Variants in CCSER1 observed in about 807,000 individuals in gnomAD.
CCSER1 encodes the protein coiled-coil serine rich protein 1, also known as serine-rich coiled-coil domain-containing protein 1.
Under a neutral mutation model 82.0 loss-of-function variants are expected in CCSER1, and 41 were observed. The observed-to-expected ratio is 0.50, with a 90% CI of 0.39 to 0.65. The LOEUF (loss-of-function observed/expected upper bound fraction) is 0.65. Among genes scored for constraint, CCSER1 ranks in the 30% least tolerant of loss-of-function variants. The pLI, the probability that CCSER1 is intolerant of heterozygous loss-of-function variation, is 0.00. For synonymous variants in CCSER1, 414 were observed against 383.9 expected (o/e 1.08, Z -0.92); for missense variants, 1,119 against 1,064.2 (o/e 1.05, Z -0.72).
chr4:90,158,821 TG>T, intron 1 of CCSER1, among the ~76,000 whole-genome samples: 1 of 152,240 alleles, frequency 6.6e-6, no homozygotes, highest in East Asian at 1.9e-4. Flanking sequence ...CCTGACCCCT[TG>T]TGCTTCCTGA....
intron 1 of CCSER1, chr4:90,235,154 T>C (rs1745541091): frequency 6.5e-6 from 1 of 152,708 alleles, no homozygotes; most frequent in Non-Finnish European, 1.5e-5. Context: ...CTGTCATTAG[T>C]GCTGCTGCCA....
At chr4:90,425,687 C>A (rs1194039456) in intron 4 of CCSER1, among the ~76,000 whole-genome samples, 1 of 152,142 alleles carries the variant, frequency 6.6e-6, no homozygotes. Context: ...GCTGACCCAC[C>A]AAACTGATCT....
chr4:90,909,752 A>T (rs1173517074), intron 8 of CCSER1, among the ~76,000 whole-genome samples: 1 of 152,154 alleles, frequency 6.6e-6, no homozygotes, highest in Non-Finnish European at 1.5e-5. Flanking sequence ...GAAGAAATGG[A>T]TTAGCCTGTC....
chr4:91,485,607 C>G (rs1758172291), intron 10 of CCSER1, among the ~76,000 whole-genome samples: 1 of 152,136 alleles, frequency 6.6e-6, no homozygotes, highest in Non-Finnish European at 1.5e-5. Context: ...TGCAATCTGC[C>G]ATGCAATTAT....
intron 10 of CCSER1, among the ~76,000 whole-genome samples, chr4:91,151,056 C>G (rs1181454072): frequency 6.6e-6 from 1 of 152,118 alleles, no homozygotes; most frequent in Non-Finnish European, 1.5e-5. Context: ...AGCAGCTCCT[C>G]TTTGTACCTC....
intron 10 of CCSER1, among the ~76,000 whole-genome samples, chr4:91,329,190 CT>C (rs1453831807): frequency 6.7e-6 from 1 of 150,242 alleles, no homozygotes; most frequent in African/African-American, 2.5e-5. Context: ...GTTAAAATAT[CT>C]GTGAAAAATA....
chr4:90,322,814 G>A (rs1737407701), intron 3 of CCSER1, among the ~76,000 whole-genome samples: 1 of 152,116 alleles, frequency 6.6e-6, no homozygotes, highest in South Asian at 2.1e-4. Context: ...TGGAGCTGAG[G>A]GAGGGGTAAT....
chr4:90,328,325 A>G (rs939294208), intron 3 of CCSER1, among the ~76,000 whole-genome samples: 7 of 111,910 alleles, frequency 6.3e-5, no homozygotes, highest in Non-Finnish European at 1.0e-4. Context: ...CCTAATAGTT[A>G]ATGGATTCTC....
At chr4:90,507,218 A>T (rs1770824005) in intron 5 of CCSER1, among the ~76,000 whole-genome samples, 3 of 152,162 alleles carry the variant, frequency 2.0e-5, no homozygotes, top group Admixed American at 2.0e-4. Context: ...ATAAAGTCAT[A>T]ATGGCTCAGA....
intron 8 of CCSER1, among the ~76,000 whole-genome samples, chr4:90,847,505 GT>G (rs563783314): frequency 3.3e-5 from 5 of 151,880 alleles, no homozygotes; most frequent in South Asian, 2.1e-4. Flanking sequence ...TCACGTATCA[GT>G]TTTTTTTATT....
At chr4:90,695,088 G>A (rs115595888) in intron 6 of CCSER1, among the ~76,000 whole-genome samples, 3,152 of 148,482 alleles carry the variant, frequency 0.021, 124 homozygotes, top group African/African-American at 0.074. Flanking sequence ...ATATATATTT[G>A]CCAATCTAGA....
intron 10 of CCSER1, among the ~76,000 whole-genome samples, chr4:91,221,728 A>G (rs1055520554): frequency 6.6e-6 from 1 of 152,136 alleles, no homozygotes; most frequent in African/African-American, 2.4e-5. Context: ...TTCACTGCCA[A>G]GCATTGTGGG....
At chr4:91,521,590 T>C (rs1277668288) in intron 10 of CCSER1, among the ~76,000 whole-genome samples, 4 of 152,210 alleles carry the variant, frequency 2.6e-5, no homozygotes, top group Admixed American at 6.5e-5. Flanking sequence ...TGCAAGATGG[T>C]ATCTCATTGT....
chr4:90,803,275 C>T (rs1396826494), intron 7 of CCSER1, among the ~76,000 whole-genome samples: 1 of 152,080 alleles, frequency 6.6e-6, no homozygotes, highest in African/African-American at 2.4e-5. Flanking sequence ...AGTTTTCTTA[C>T]ACAGGTATAC....
intron 5 of CCSER1, among the ~76,000 whole-genome samples, chr4:90,510,756 T>C (rs1771379391): frequency 6.6e-6 from 1 of 152,112 alleles, no homozygotes; most frequent in South Asian, 2.1e-4. Context: ...ATAATTGAAG[T>C]TGTAGTGATA....
At chr4:90,787,835 T>C (rs1209165011) in intron 7 of CCSER1, among the ~76,000 whole-genome samples, 1 of 152,156 alleles carries the variant, frequency 6.6e-6, no homozygotes, top group Non-Finnish European at 1.5e-5. Flanking sequence ...GACTAGAAAG[T>C]GGTGACGCTT....
chr4:90,833,790 T>G (rs1355539360), intron 8 of CCSER1, among the ~76,000 whole-genome samples: 2 of 152,214 alleles, frequency 1.3e-5, no homozygotes, highest in Non-Finnish European at 2.9e-5. Context: ...CAATGCAACT[T>G]TGTTGGGAGC....
chr4:90,619,120 T>C (rs891892267), intron 5 of CCSER1, among the ~76,000 whole-genome samples: 2 of 151,910 alleles, frequency 1.3e-5, no homozygotes, highest in Non-Finnish European at 1.5e-5. Context: ...TCTTTATAAA[T>C]GTATTTGACA....
intron 9 of CCSER1, among the ~76,000 whole-genome samples, chr4:90,988,332 CTCAAA>C (rs1736735418): frequency 2.0e-5 from 1 of 49,496 alleles, no homozygotes; most frequent in Non-Finnish European, 3.3e-5. Flanking sequence ...GATATCTTGT[CTCAAA>C]AAAAAAAAAA....
Sources: allele counts gnomAD v4.1 joint callset (sites outside exome capture counted in the v4.1 genomes callset), GRCh38; gene constraint gnomAD v4.1.1; transcripts MANE v1.5; gene names NCBI Gene and HGNC (gene_info 2026-07-23, HGNC 2026-07-21).